Variants in KIF9 observed in about 807,000 individuals in gnomAD.
KIF9 encodes kinesin-like protein KIF9.
KIF9 carries 68 observed loss-of-function variants against 94.8 expected under a neutral mutation model. The ratio of observed to expected loss-of-function variants is 0.72; its 90% CI spans 0.59 to 0.88. The LOEUF (loss-of-function observed/expected upper bound fraction) is 0.88, where lower values mean the gene tolerates loss of function less well. Among genes scored for constraint, KIF9 ranks in the 40% least tolerant of loss-of-function variants. The pLI is 0.00. For synonymous variants in KIF9, 343 were observed against 362.1 expected, an observed-to-expected ratio of 0.95 and a Z score of 0.60; for missense variants, 882 against 982.5, an observed-to-expected ratio of 0.90 and a Z score of 1.37.
chr3:47,274,440 A>G (rs1701836682), intron 3 of KIF9, among the ~76,000 whole-genome samples: 1 of 152,190 alleles, frequency 6.6e-6, no homozygotes. Flanking sequence ...GGGCATTTAC[A>G]TGGCAGATCT....
At chr3:47,276,716 G>C (rs1701998001) in intron 2 of KIF9, among the ~76,000 whole-genome samples, 1 of 152,184 alleles carries the variant, frequency 6.6e-6, no homozygotes, top group South Asian at 2.1e-4. Context: ...TGCGAGGCTT[G>C]GGCAGTTTGC....
rs1048634051 is a variant in KIF9, at chr3:47,271,527, G to A, written c.367-66C>T. 6.1e-6 allele frequency: 7 copies of A among 1,144,170 alleles called. No individual in the cohort carries two copies. The South Asian group carries it at 8.7e-5, about 14-fold the overall frequency. The allele number at this position is 1,144,170 out of a possible 1,614,324, so 70.9% of individuals were successfully genotyped here. On this transcript the variant is annotated intron_variant, in intron 4 of 20. Transcript: ENST00000684063. ...CCAACAGCCAACTAGCATAAGGGGGGCTTCCTAACTCAGAAGGGAACATCA... is the reference window on the plus strand; with the variant it reads ...CCAACAGCCAACTAGCATAAGGGGGACTTCCTAACTCAGAAGGGAACATCA...
chr3:47,249,793 C>G (rs1011821452), intron 10 of KIF9, among the ~76,000 whole-genome samples: 7 of 152,202 alleles, frequency 4.6e-5, no homozygotes, highest in African/African-American at 1.7e-4. Flanking sequence ...TGCGGTGGCT[C>G]ATCCCTGCAA....
At chr3:47,267,941 G>A (rs1337119028) in intron 5 of KIF9, among the ~76,000 whole-genome samples, 1 of 147,268 alleles carries the variant, frequency 6.8e-6, no homozygotes, top group South Asian at 2.1e-4. Context: ...GCACGATCTC[G>A]GCTCACTATA....
intron 10 of KIF9, among the ~76,000 whole-genome samples, chr3:47,255,781 C>T (rs1700539141): frequency 6.6e-6 from 1 of 150,400 alleles, no homozygotes; most frequent in African/African-American, 2.4e-5. Context: ...CCCTCTCCCT[C>T]TCTTTCCACG....
intron 17 of KIF9, chr3:47,240,316 T>A (rs1326198946): frequency 4.6e-6 from 1 of 218,542 alleles, no homozygotes; most frequent in African/African-American, 2.3e-5. Context: ...GCATAGGGAA[T>A]GGCCTTACTG....
At chr3:47,241,062 C>G (rs769911832) in intron 16 of KIF9, 47 bp from the exon 17 acceptor site, 1 of 1,521,550 alleles carries the variant, frequency 6.6e-7, no homozygotes, top group South Asian at 1.1e-5. Flanking sequence ...AGGTGGCTGC[C>G]TTGGAGCCAC....
At chr3:47,268,306 G>C (rs971169777) in intron 5 of KIF9, among the ~76,000 whole-genome samples, 10 of 152,108 alleles carry the variant, frequency 6.6e-5, no homozygotes, top group African/African-American at 2.2e-4. Context: ...GCTGTTCTTG[G>C]AGAAAAAGGT....
chr3:47,261,579 A>G (rs1055636579), intron 9 of KIF9, among the ~76,000 whole-genome samples: 2 of 152,204 alleles, frequency 1.3e-5, no homozygotes, highest in African/African-American at 4.8e-5. Flanking sequence ...GAAGCAGTCT[A>G]GGAGTGGCTG....
At chr3:47,281,110 C>A in intron 1 of KIF9, 3 of 680,050 alleles carry the variant, frequency 4.4e-6, no homozygotes, top group South Asian at 1.6e-5. Flanking sequence ...AGTAGGTATT[C>A]AGGAAATGGC....
chr3:47,230,850 C>T (rs1438345277), intron 20 of KIF9, among the ~76,000 whole-genome samples: 1 of 151,878 alleles, frequency 6.6e-6, no homozygotes, highest in Non-Finnish European at 1.5e-5. Context: ...CCAGGCTGGC[C>T]AACACGGTGA....
chr3:47,273,573 G>A lies in KIF9; in HGVS notation c.345C>T (p.Ile115=), dbSNP rs142990593. The A allele has an allele frequency of 1.2e-6, 2 of 1,610,170 alleles. No homozygotes were observed. Among genetic ancestry groups the A allele is most frequent in the Non-Finnish European group, 1.7e-6 (2 of 1,177,944 alleles). ...GATENYKHRG[I]LPRALQQVFR... ...CTACCTGCTGCAGGGCACGAGGGAG[G>A]ATCCCCCGGTGCTTGTAATTCTCAG... Residue 115 remains isoleucine (I), a synonymous_variant, in exon 4 of 21, where the codon ATC becomes ATT. Coordinates refer to ENST00000684063, the MANE Select transcript of KIF9 (RefSeq NM_182902.4).
At chr3:47,240,135 T>A in intron 17 of KIF9, 4 of 344,056 alleles carry the variant, frequency 1.2e-5, no homozygotes, top group South Asian at 4.8e-5. Flanking sequence ...GCCTTGGCCC[T>A]CAGTGCAGGT....
At chr3:47,239,813 C>T in intron 17 of KIF9, 1 of 1,367,208 alleles carries the variant, frequency 7.3e-7, no homozygotes, top group Non-Finnish European at 9.8e-7. Flanking sequence ...ATCTGACTTG[C>T]AGGAATAAAC....
chr3:47,242,067 G>C (rs551958392), intron 16 of KIF9, among the ~76,000 whole-genome samples: 1 of 151,310 alleles, frequency 6.6e-6, no homozygotes, highest in Admixed American at 6.6e-5. Context: ...ATTTTTTATA[G>C]AGACAGAGTC....
At chr3:47,260,877 G>C (rs1576032510) in intron 9 of KIF9, among the ~76,000 whole-genome samples, 1 of 152,330 alleles carries the variant, frequency 6.6e-6, no homozygotes, top group Non-Finnish European at 1.5e-5. Context: ...CTGATGGAGG[G>C]ACAGTACGCC....
At chr3:47,277,157 T>C (rs1027638478) in intron 2 of KIF9, 125 bp downstream of exon 2, 9 of 603,322 alleles carry the variant, frequency 1.5e-5, no homozygotes, top group Non-Finnish European at 2.6e-5. Flanking sequence ...TGATGGGCTC[T>C]AGAGTCCATT....
At chr3:47,259,166 C>A (rs1043142490) in intron 9 of KIF9, among the ~76,000 whole-genome samples, 1 of 152,232 alleles carries the variant, frequency 6.6e-6, no homozygotes, top group African/African-American at 2.4e-5. Context: ...AGAAAGGCTG[C>A]TCTGGGGCGT....
At chr3:47,275,573 T>C in intron 2 of KIF9, 83 bp from the exon 3 acceptor site, 1 of 1,019,204 alleles carries the variant, frequency 9.8e-7, no homozygotes, top group Admixed American at 2.1e-5. Context: ...TGAGGCCTAA[T>C]CTGGAGGGAA....
Sources: allele counts gnomAD v4.1 joint callset (sites outside exome capture counted in the v4.1 genomes callset), GRCh38; gene constraint gnomAD v4.1.1; transcripts MANE v1.5; gene names NCBI Gene and HGNC (gene_info 2026-07-23, HGNC 2026-07-21).